The following DNAH5 variants were observed in gnomAD, a reference collection of about 807,000 sequenced individuals.
DNAH5 encodes dynein axonemal heavy chain 5.
A neutral mutation model predicts 518.2 loss-of-function variants in DNAH5; 372 were observed. The ratio of observed to expected loss-of-function variants is 0.72; its 90% CI spans 0.66 to 0.78. The LOEUF (loss-of-function observed/expected upper bound fraction) is 0.78, where lower values mean the gene tolerates loss of function less well. DNAH5 is among the 30% of genes least tolerant of loss of function. DNAH5 has a pLI of 0.00. For missense variants in DNAH5, 5,523 were observed against 5,687.0 expected, an observed-to-expected ratio of 0.97 and a Z score of 0.93; for synonymous variants, 2,039 against 2,025.9, an observed-to-expected ratio of 1.01 and a Z score of -0.17.
chr5:13,923,394 A>C lies in DNAH5; in HGVS notation c.324T>G (p.Ile108Met), dbSNP rs752185767. 1.9e-6 allele frequency: 3 copies of C among 1,614,186 alleles called. No individual in the cohort carries two copies. Among genetic ancestry groups the C allele is most frequent in the Non-Finnish European group, 2.5e-6 (3 of 1,180,012 alleles). ...CGGTCACGAACACCTTAGGTTTTTT[A>C]ATCTTTCCAGAAACAAGATTTACCC... ...LGGVNLVSGK[I>M]KKPKVFVTEG... is the part of the protein sequence containing the mutation. Residue 108 changes from isoleucine to methionine, a missense_variant, in exon 4 of 79, where the codon ATT becomes ATG. Ile to Met is a conservative substitution (Grantham distance 10). Transcript: ENST00000265104.
chr5:13,794,016 A>G lies in DNAH5; in HGVS notation c.7930T>C (p.Tyr2644His). ...SYVDKRMGTT[Y>H]GPPAGKKMTV... ...ATCTTCTTTCCCGCAGGAGGGCCAT[A>G]TGTTGTACCCATTCGTTTATCCACA... Residue 2644 changes from tyrosine (Y) to histidine (H), a missense_variant, in exon 48 of 79, where the codon TAT becomes CAT. By Grantham distance (83) the Tyr-to-His change is moderately conservative. This residue lies in a region of DNAH5 where 5,121 missense variants were observed against 5,223.3 expected (regional missense o/e 0.98). Coordinates refer to ENST00000265104, the MANE Select transcript of DNAH5 (RefSeq NM_001369.3). The G allele has an allele frequency of 6.2e-7, 1 of 1,614,136 alleles. No homozygotes were observed. Among genetic ancestry groups the G allele is most frequent in the Non-Finnish European group, 8.5e-7 (1 of 1,180,012 alleles).
At chr5:13,848,930 T>A (rs771019567) in intron 31 of DNAH5, among the ~76,000 whole-genome samples, 1 of 152,206 alleles carries the variant, frequency 6.6e-6, no homozygotes, top group South Asian at 2.1e-4. Flanking sequence ...CTCTATAGCA[T>A]AGGCCTTTGA....
chr5:13,758,093 T>C (rs970398123), intron 61 of DNAH5, among the ~76,000 whole-genome samples: 2 of 151,328 alleles, frequency 1.3e-5, no homozygotes, highest in African/African-American at 2.4e-5. Context: ...AAAAAATCAG[T>C]ATGTATTTAA....
chr5:13,782,142 C>T (rs1182723280), intron 52 of DNAH5, among the ~76,000 whole-genome samples: 1 of 152,134 alleles, frequency 6.6e-6, no homozygotes, highest in East Asian at 1.9e-4. Context: ...AGGGGTATCA[C>T]TGCGATGTCC....
intron 1 of DNAH5, among the ~76,000 whole-genome samples, chr5:13,938,190 C>A (rs77337247): frequency 6.6e-5 from 10 of 152,104 alleles, no homozygotes; most frequent in Non-Finnish European, 1.0e-4. Context: ...CATCTGCTCC[C>A]GGCACCCAAT....
Position 13,721,029 on chromosome 5 carries a change from G to A in DNAH5, c.12250C>T (p.Arg4084Trp), listed in dbSNP as rs752895938. The A allele has an allele frequency of 1.1e-5, 17 of 1,613,942 alleles. No individual in the cohort carries two copies. Among genetic ancestry groups the A allele is most frequent in the Middle Eastern group, 1.6e-4 (1 of 6,084 alleles). The change falls in exon 71 of 79, where the codon CGG becomes TGG. Residue 4084 changes from arginine to tryptophan, a missense_variant. Physicochemically the swap from Arg to Trp is moderately radical, Grantham distance 101. This residue lies in a region of DNAH5 where 5,121 missense variants were observed against 5,223.3 expected (regional missense o/e 0.98). Transcript: ENST00000265104. ...GCCATGGTCTGCTGCAAGAGCTTCC[G>A]AGCATGGACTTCCTGGCCCTGGCCC... ...SMGQGQEVHA[R>W]KLLQQTMANG...
At chr5:14,007,962 G>C (rs380297) in intron 1 of DNAH5, among the ~76,000 whole-genome samples, 63,131 of 151,670 alleles carry the variant, frequency 0.42, 14,289 homozygotes, top group East Asian at 0.81. Context: ...CACCTGAGGT[G>C]AGGAGTTCGA....
chr5:13,825,346 A>AAATAAATAAATAAAT, intron 38 of DNAH5, among the ~76,000 whole-genome samples: 1 of 150,614 alleles, frequency 6.6e-6, no homozygotes, highest in Non-Finnish European at 1.5e-5. Flanking sequence ...TGTCTTGCAA[A>AAATAAATAAATAAAT]AAATAAATAA....
At chr5:13,880,389 G>T (rs1024631318) in intron 21 of DNAH5, among the ~76,000 whole-genome samples, 3 of 151,992 alleles carry the variant, frequency 2.0e-5, no homozygotes, top group African/African-American at 7.2e-5. Flanking sequence ...AAGTATATTG[G>T]CAAATCCAAA....
At chr5:13,921,755 C>CCCT (rs1554104169) in intron 5 of DNAH5, among the ~76,000 whole-genome samples, 1 of 148,520 alleles carries the variant, frequency 6.7e-6, no homozygotes, top group South Asian at 2.2e-4. Flanking sequence ...CACACACCCC[C>CCCT]CCACACACAC....
chr5:13,735,384 A>G (rs763074691), intron 67 of DNAH5, 63 bp from the exon 68 acceptor site: 2 of 1,474,956 alleles, frequency 1.4e-6, no homozygotes, highest in Admixed American at 1.8e-5. Flanking sequence ...CTGTAAAAAC[A>G]ATTGTCTTTA....
intron 1 of DNAH5, among the ~76,000 whole-genome samples, chr5:13,952,375 T>C (rs1780483775): frequency 6.6e-6 from 1 of 152,160 alleles, no homozygotes; most frequent in Non-Finnish European, 1.5e-5. Flanking sequence ...GAAAGTTCTG[T>C]CTCTGAAAAG....
At chr5:13,710,761 C>T (rs1305466070) in intron 75 of DNAH5, among the ~76,000 whole-genome samples, 2 of 152,124 alleles carry the variant, frequency 1.3e-5, no homozygotes, top group Non-Finnish European at 2.9e-5. Context: ...AACCAGAACA[C>T]CTAGAAGAGA....
intron 30 of DNAH5, among the ~76,000 whole-genome samples, chr5:13,858,006 G>A (rs1767864388): frequency 6.6e-6 from 1 of 151,878 alleles, no homozygotes; most frequent in Non-Finnish European, 1.5e-5. Flanking sequence ...CCAAAACAGT[G>A]TGGTGATTCC....
chr5:13,740,464 C>T (rs1174429059), intron 65 of DNAH5, among the ~76,000 whole-genome samples: 1 of 152,172 alleles, frequency 6.6e-6, no homozygotes, highest in East Asian at 1.9e-4. Context: ...GACTTCATTT[C>T]CTACTTTTCT....
intron 67 of DNAH5, 117 bp from the exon 68 acceptor site, chr5:13,735,438 C>T: frequency 1.0e-6 from 1 of 985,944 alleles, no homozygotes. Context: ...TATTTTTACA[C>T]ATCAAGAGAA....
intron 55 of DNAH5, among the ~76,000 whole-genome samples, chr5:13,774,622 A>G (rs1012422583): frequency 3.3e-5 from 5 of 152,184 alleles, no homozygotes; most frequent in African/African-American, 1.2e-4. Flanking sequence ...GAAGCTCAAT[A>G]TGTACGTTCC....
At chr5:13,794,566 C>A (rs1463774426) in intron 47 of DNAH5, among the ~76,000 whole-genome samples, 1 of 152,190 alleles carries the variant, frequency 6.6e-6, no homozygotes, top group Non-Finnish European at 1.5e-5. Context: ...GGATTCAATT[C>A]TCATTCCCTG....
chr5:13,883,906 T>C (rs1480732425), intron 19 of DNAH5, among the ~76,000 whole-genome samples: 2 of 152,228 alleles, frequency 1.3e-5, no homozygotes, highest in Admixed American at 1.3e-4. Flanking sequence ...CCACTTTTAA[T>C]TAAATATTGA....
Sources: allele counts gnomAD v4.1 joint callset (sites outside exome capture counted in the v4.1 genomes callset), GRCh38; gene constraint gnomAD v4.1.1; regional missense constraint gnomAD v4.1.1; transcripts MANE v1.5; gene names NCBI Gene and HGNC (gene_info 2026-07-23, HGNC 2026-07-21).